Variants in MAN2B1 observed in about 807,000 individuals in gnomAD.
MAN2B1 encodes the protein mannosidase alpha class 2B member 1.
MAN2B1 carries 99 observed loss-of-function variants against 127.5 expected under a neutral mutation model. The ratio of observed to expected loss-of-function variants is 0.78; its 90% CI spans 0.66 to 0.92. The LOEUF (loss-of-function observed/expected upper bound fraction) is 0.92, where lower values mean the gene tolerates loss of function less well. Among genes scored for constraint, MAN2B1 ranks in the 40% least tolerant of loss-of-function variants. The pLI, the probability that MAN2B1 is intolerant of heterozygous loss-of-function variation, is 0.00. For missense variants in MAN2B1, 1,304 were observed against 1,384.8 expected (o/e 0.94, Z 0.93); for synonymous variants, 573 against 568.8 (o/e 1.01, Z -0.11).
At chr19:12,654,264 C>T (rs545657547) in intron 14 of MAN2B1, among the ~76,000 whole-genome samples, 1 of 152,054 alleles carries the variant, frequency 6.6e-6, no homozygotes, top group Non-Finnish European at 1.5e-5. Flanking sequence ...GGATGGTCTC[C>T]ATCTCCTGAC....
At position 12,652,246 on chromosome 19, in the gene MAN2B1, G is replaced by C; in HGVS notation, c.1953C>G (p.Asn651Lys). The stretch of plus-strand genomic sequence containing the variant: ...AGGCACCTGAGGCCTGGTCACTTTC[G>C]TTGTCACCTATACTGGCGTTGTACC... The part of the protein sequence containing the change: ...FFWYNASIGD[N>K]ESDQASGAYI... The change falls in exon 16 of 24, where the codon AAC (asparagine) becomes AAG (lysine). Residue 651 changes from asparagine to lysine, a missense_variant. Asn to Lys is a moderately conservative substitution (Grantham distance 94, BLOSUM62 0). Coordinates refer to ENST00000456935, the MANE Select transcript of MAN2B1 (RefSeq NM_000528.4). 1 of 1,614,098 alleles carries C rather than the reference G, an allele frequency of 6.2e-7. No homozygotes were observed. Among genetic ancestry groups the C allele is most frequent in the Non-Finnish European group, 8.5e-7 (1 of 1,180,016 alleles).
intron 20 of MAN2B1, 90 bp from the exon 21 acceptor site, chr19:12,648,492 A>C: frequency 1.1e-6 from 1 of 931,228 alleles, no homozygotes; most frequent in Non-Finnish European, 1.7e-6. Flanking sequence ...TGGGAATGTC[A>C]AAAGAAATTA....
At chr19:12,665,855 G>T (rs1248205676) in intron 1 of MAN2B1, 50 bp from the exon 2 acceptor site, 2 of 1,441,624 alleles carry the variant, frequency 1.4e-6, no homozygotes, top group African/African-American at 1.4e-5. Flanking sequence ...CCCCGAGGTC[G>T]GGGGCTGCAG....
intron 7 of MAN2B1, among the ~76,000 whole-genome samples, chr19:12,659,331 T>G (rs1288814645): frequency 6.8e-6 from 1 of 146,460 alleles, no homozygotes; most frequent in Non-Finnish European, 1.5e-5. Flanking sequence ...AGACTGAGTC[T>G]GACTCTGTCG....
intron 20 of MAN2B1, 79 bp downstream of exon 20, chr19:12,649,057 G>A (rs964362143): frequency 5.8e-6 from 7 of 1,215,764 alleles, no homozygotes. Context: ...CAGAGAACTG[G>A]GCCAGAAACA....
chr19:12,658,130 C>T lies in MAN2B1; in HGVS notation c.1242G>A (p.Gln414=), dbSNP rs1195638488. ...LSYNFLQVCN[Q]LEALVGLAAN... ...CCGCCAGGCCCACCAGCGCCTCCAG[C>T]TGGTTGCACACCTGGAGGCAGAGGG... is the stretch of plus-strand genomic sequence containing the variant. Residue 414 remains glutamine (Q), a synonymous_variant, in exon 10 of 24, where the codon CAG becomes CAA. Coordinates refer to ENST00000456935, the MANE Select transcript of MAN2B1 (RefSeq NM_000528.4). 1 of 1,613,470 alleles carries T rather than the reference C, an allele frequency of 6.2e-7. No homozygotes were observed. Among genetic ancestry groups the T allele is most frequent in the Non-Finnish European group, 8.5e-7 (1 of 1,179,976 alleles).
Position 12,648,249 on chromosome 19 carries a change from C to T in MAN2B1, c.2590G>A (p.Val864Ile), listed in dbSNP as rs753095085. 5 of 1,600,152 alleles carry T rather than the reference C, an allele frequency of 3.1e-6. No homozygotes were observed. In the African/African-American group the frequency reaches 6.7e-5, roughly 21 times the overall value. The change falls in exon 21 of 24, where the codon GTC becomes ATC. Residue 864 changes from valine (V) to isoleucine (I), a missense_variant. Coordinates refer to ENST00000456935, the MANE Select transcript of MAN2B1 (RefSeq NM_000528.4). ...GCCAGCACCACCTGAGGGGCCAGGA[C>T]CTCCTGCTCCGCCAGGAGCCGGTGT... ...AGHRLLAEQE[V>I]LAPQVVLAPG...
In MAN2B1 at chr19:12,648,238, A is replaced by G; in HGVS notation, c.2601T>C (p.Pro867=). Residue 867 remains proline (P), a synonymous_variant, in exon 21 of 24, where the codon CCT becomes CCC. Coordinates refer to ENST00000456935, the MANE Select transcript of MAN2B1 (RefSeq NM_000528.4). ...RLLAEQEVLA[P]QVVLAPGGGA... is the part of the protein sequence containing the mutation. The stretch of plus-strand genomic sequence containing the variant: ...CGCCACCCGGGGCCAGCACCACCTG[A>G]GGGGCCAGGACCTCCTGCTCCGCCA... 6.3e-7 allele frequency: 1 copy of G among 1,594,020 alleles called. No individual in the cohort carries two copies.
rs1272501617 is a variant in MAN2B1, at chr19:12,664,809, C to A, written c.613G>T (p.Ala205Ser). Residue 205 changes from alanine (A) to serine (S), a missense_variant, in exon 4 of 24, where the codon GCC becomes TCC. Physicochemically the swap from Ala to Ser is moderately conservative, Grantham distance 99. Transcript: ENST00000456935. ...GGTCGCACCTGCGCAAACAGCGAGG[C>A]CTGCTCCCGAGAGTGGCCGAAGGGG... ...IDPFGHSREQ[A>S]SLFAQMGFDG... The A allele has an allele frequency of 3.1e-6, 5 of 1,613,444 alleles. No individual in the cohort carries two copies. In the Middle Eastern group the frequency reaches 4.9e-4, roughly 160 times the overall value.
At position 12,648,212 on chromosome 19, in the gene MAN2B1, C is replaced by G. The variant is rs1413967043; in HGVS notation, c.2627G>C (p.Gly876Ala). 1.9e-5 allele frequency: 29 copies of G among 1,563,716 alleles called. No individual in the cohort carries two copies. Among genetic ancestry groups the G allele is most frequent in the Non-Finnish European group, 1.0e-5 (12 of 1,161,110 alleles). The change falls in exon 21 of 24, where the codon GGC becomes GCC. Residue 876 changes from glycine to alanine, a missense_variant. By Grantham distance (60) the Gly-to-Ala change is moderately conservative. Coordinates refer to ENST00000456935, the MANE Select transcript of MAN2B1 (RefSeq NM_000528.4). The stretch of plus-strand genomic sequence containing the variant: ...AGGAGCCCCGAGATTGTAGGCGGCG[C>G]CGCCACCCGGGGCCAGCACCACCTG... ...APQVVLAPGG[G>A]AAYNLGAPPR...
At chr19:12,651,976 A>G (rs2023848130) in intron 16 of MAN2B1, among the ~76,000 whole-genome samples, 177 bp downstream of exon 16, 1 of 152,184 alleles carries the variant, frequency 6.6e-6, no homozygotes, top group Non-Finnish European at 1.5e-5. Flanking sequence ...AGCTATGAAT[A>G]TCAATTCTAT....
chr19:12,660,917 C>T (rs2024087524), intron 7 of MAN2B1: 1 of 345,546 alleles, frequency 2.9e-6, no homozygotes, highest in Non-Finnish European at 5.7e-6. Flanking sequence ...CACCATCACA[C>T]CCAGCTAATT....
chr19:12,646,593 G>A lies in MAN2B1; in HGVS notation c.*27C>T, dbSNP rs781154896. 6.5e-7 allele frequency: 1 copy of A among 1,539,924 alleles called. No homozygotes were observed. The highest frequency in any genetic ancestry group is 9.0e-7 in the Non-Finnish European group (1 of 1,112,344). ...GGTCTGCCCCCGGAGCAGGAGGCTT[G>A]GGCTTGGAGGGCCCATCCCAGCAGA... On this transcript the variant is annotated 3_prime_UTR_variant, in exon 24 of 24. Coordinates refer to ENST00000456935, the MANE Select transcript of MAN2B1 (RefSeq NM_000528.4).
intron 7 of MAN2B1, 31 bp from the exon 8 acceptor site, chr19:12,658,541 G>T (rs1349820102): frequency 1.9e-6 from 3 of 1,603,536 alleles, no homozygotes; most frequent in Non-Finnish European, 2.6e-6. Flanking sequence ...GTGAGCCCTC[G>T]GGAGTCCGCA....
Position 12,663,464 on chromosome 19 carries a change from T to A in MAN2B1, c.764-2A>T, listed in dbSNP as rs1255264239. 1.9e-6 allele frequency: 3 copies of A among 1,613,826 alleles called. No individual in the cohort carries two copies. Among genetic ancestry groups the A allele is most frequent in the Non-Finnish European group, 2.5e-6 (3 of 1,179,970 alleles). On this transcript the variant is annotated splice_acceptor_variant, in intron 5 of 23. Transcript: ENST00000456935. LOFTEE classifies it high-confidence loss of function. ...GGTTGTAACCATTGGGAAGCACACC[T>A]GCAGGTCACACCAAGTTCAAGGGGT...
chr19:12,649,107 T>A (rs1468684757), intron 20 of MAN2B1, 29 bp downstream of exon 20: 9 of 1,601,514 alleles, frequency 5.6e-6, no homozygotes, highest in African/African-American at 4.0e-5. Flanking sequence ...GGGAGGACCC[T>A]GGCTCGGATG....
At position 12,658,046 on chromosome 19, in the gene MAN2B1, T is replaced by G. The variant is rs762485011; in HGVS notation, c.1309+17A>C. ...CTTCAGCCGCAAACCTCTTCCCCTCTTGGGCCCGACACTTACTGAGGGGTG... is the reference window on the plus strand; with the variant it reads ...CTTCAGCCGCAAACCTCTTCCCCTCGTGGGCCCGACACTTACTGAGGGGTG... On this transcript the variant is annotated intron_variant, in intron 10 of 23. Transcript: ENST00000456935. The G allele has an allele frequency of 5.6e-5, 91 of 1,610,838 alleles. 1 individual carries two copies. Among genetic ancestry groups the G allele is most frequent in the Admixed American group, 3.2e-4 (19 of 59,886 alleles).
Position 12,650,357 on chromosome 19 carries a change from C to CT in MAN2B1, c.2047-136dup, listed in dbSNP as rs35532533. 15,070 of 490,094 alleles carry CT rather than the reference C, an allele frequency of 0.031. 37 individuals carry two copies. The highest frequency in any genetic ancestry group is 0.054 in the East Asian group (1,467 of 26,934). The allele number at this position is 490,094 out of a possible 1,614,324, so 30.4% of individuals were successfully genotyped here. A position where few individuals can be genotyped will look rare whatever the true frequency, so the allele number is the denominator to read the frequency against. On this transcript the variant is annotated intron_variant, in intron 16 of 23. Transcript: ENST00000456935. ...AACCTTCAGTCACCGCCACATAATT[C>CT]TTTTTTTTTTTTTTTTTTTGAGACG... is the stretch of plus-strand genomic sequence containing the variant.
At chr19:12,660,402 TG>T (rs2024072595) in intron 7 of MAN2B1, among the ~76,000 whole-genome samples, 1 of 152,116 alleles carries the variant, frequency 6.6e-6, no homozygotes, top group South Asian at 2.1e-4. Flanking sequence ...CTTGGGAGGC[TG>T]AGACAGAAGA....
Sources: gnomAD v4.1 joint callset for allele counts (sites outside exome capture counted in the v4.1 genomes callset) on GRCh38, gnomAD v4.1.1 for gene constraint, MANE v1.5 for transcripts, NCBI Gene and HGNC (gene_info 2026-07-23, HGNC 2026-07-21) for gene names.